The following B4GALNT3 variants were observed in gnomAD, a reference collection of about 807,000 sequenced individuals.
B4GALNT3 encodes beta-1,4-N-acetylgalactosaminyltransferase 3.
In B4GALNT3, 86 loss-of-function variants were observed where a neutral mutation model predicts 120.2. The observed-to-expected ratio is 0.72, with a 90% CI of 0.60 to 0.86. The LOEUF (loss-of-function observed/expected upper bound fraction) is 0.86, where lower values mean the gene tolerates loss of function less well. B4GALNT3 is among the 40% of genes least tolerant of loss of function. The pLI is 0.00. For missense variants in B4GALNT3, 1,167 were observed against 1,298.9 expected (o/e 0.90, Z 1.56); for synonymous variants, 518 against 510.4 (o/e 1.01, Z -0.20).
At chr12:515,754 T>C (rs1232964209) in intron 1 of B4GALNT3, among the ~76,000 whole-genome samples, 1 of 152,172 alleles carries the variant, frequency 6.6e-6, no homozygotes, top group Non-Finnish European at 1.5e-5. Context: ...CTGAAGTTCT[T>C]CCCCTACTGC....
chr12:495,642 G>A (rs1946381445), intron 1 of B4GALNT3, among the ~76,000 whole-genome samples: 1 of 152,164 alleles, frequency 6.6e-6, no homozygotes, highest in Non-Finnish European at 1.5e-5. Context: ...CCAGACTCTA[G>A]CATGAGCTTC....
chr12:480,245 A>G (rs1276442534), intron 1 of B4GALNT3, among the ~76,000 whole-genome samples: 1 of 152,214 alleles, frequency 6.6e-6, no homozygotes, highest in Admixed American at 6.5e-5. Context: ...GAACTGACCA[A>G]TTAAAAAGGA....
chr12:502,264 G>A (rs1946451086), intron 1 of B4GALNT3, among the ~76,000 whole-genome samples: 1 of 152,226 alleles, frequency 6.6e-6, no homozygotes, highest in African/African-American at 2.4e-5. Flanking sequence ...ACCACCTGTT[G>A]ACAGGGCTTC....
chr12:513,679 C>A (rs1218427343), intron 1 of B4GALNT3, among the ~76,000 whole-genome samples: 1 of 152,222 alleles, frequency 6.6e-6, no homozygotes, highest in East Asian at 1.9e-4. Flanking sequence ...TGCAGTCCAG[C>A]AGGTCTTAGC....
chr12:513,552 C>T (rs114403004), intron 1 of B4GALNT3, among the ~76,000 whole-genome samples: 4,289 of 152,250 alleles, frequency 0.028, 215 homozygotes, highest in African/African-American at 0.097. Flanking sequence ...GGGTTTTAGC[C>T]GGCTTCTTTC....
intron 1 of B4GALNT3, among the ~76,000 whole-genome samples, chr12:530,911 G>A (rs1462846708): frequency 6.6e-6 from 1 of 152,162 alleles, no homozygotes; most frequent in Non-Finnish European, 1.5e-5. Context: ...GGCCCACGGT[G>A]GTGCTTTATC....
At chr12:461,692 A>C (rs1946024530) in intron 1 of B4GALNT3, among the ~76,000 whole-genome samples, 1 of 152,184 alleles carries the variant, frequency 6.6e-6, no homozygotes, top group African/African-American at 2.4e-5. Context: ...TTCTCTACCC[A>C]GAGTTGGGTG....
At chr12:512,231 A>G (rs1245938583) in intron 1 of B4GALNT3, among the ~76,000 whole-genome samples, 9 of 46,220 alleles carry the variant, frequency 1.9e-4, no homozygotes, top group Non-Finnish European at 3.0e-4. Flanking sequence ...ACCTTCTTCC[A>G]CCTTCCACCT....
chr12:487,699 C>T (rs34600838), intron 1 of B4GALNT3, among the ~76,000 whole-genome samples: 5,084 of 142,862 alleles, frequency 0.036, 137 homozygotes, highest in Non-Finnish European at 0.056. Flanking sequence ...GGCAACAGAG[C>T]GAGACTCTAT....
chr12:501,046 G>A (rs565114915), intron 1 of B4GALNT3, among the ~76,000 whole-genome samples: 2 of 138,178 alleles, frequency 1.4e-5, no homozygotes, highest in East Asian at 4.3e-4. Context: ...GCTAATTTTT[G>A]TACTTTTTGG....
At position 480,961 on chromosome 12, in the gene B4GALNT3, C is replaced by T. The variant is rs564488601; in HGVS notation, c.169+20416C>T. ...CCTCTATCTCTCCCTGCCTGCTCGG[C>T]AGCCAACACAGAAACACTGCTGTGT... is the stretch of plus-strand genomic sequence containing the variant. On this transcript the variant is annotated intron_variant, in intron 1 of 19. Transcript: ENST00000266383. 1.8e-4 allele frequency among the ~76,000 whole-genome samples: 28 copies of T among 152,350 alleles called. No individual in the cohort carries two copies. In the South Asian group the frequency reaches 5.6e-3, roughly 30 times the overall value.
rs780162538 is a variant in B4GALNT3, at chr12:549,869, C to T, written c.954C>T (p.Pro318=). ...CTCTTCCCAGGGATGAGCAGCCGCCCGCTGACATGCTTCGGCCTGACCCCC... is the reference window on the plus strand; with the variant it reads ...CTCTTCCCAGGGATGAGCAGCCGCCTGCTGACATGCTTCGGCCTGACCCCC... ...SNALPRDEQP[P]ADMLRPDPRD... The change falls in exon 10 of 20, where the codon CCC becomes CCT. Residue 318 remains proline, a synonymous_variant. Transcript: ENST00000266383. The T allele has an allele frequency of 1.8e-5, 29 of 1,613,546 alleles. No homozygotes were observed. The highest frequency in any genetic ancestry group is 6.7e-5 in the Admixed American group (4 of 60,000).
intron 1 of B4GALNT3, among the ~76,000 whole-genome samples, chr12:482,478 T>C (rs1303500474): frequency 6.6e-6 from 1 of 152,170 alleles, no homozygotes; most frequent in Non-Finnish European, 1.5e-5. Flanking sequence ...AATCCCAGTT[T>C]TAAGTTCTGT....
chr12:495,620 G>T (rs966055871), intron 1 of B4GALNT3, among the ~76,000 whole-genome samples: 8 of 152,150 alleles, frequency 5.3e-5, no homozygotes, highest in Non-Finnish European at 8.8e-5. Context: ...CTTCTTAGGG[G>T]GTGAATGCGG....
At chr12:543,622 A>G (rs1592050492) in intron 3 of B4GALNT3, among the ~76,000 whole-genome samples, 1 of 84,760 alleles carries the variant, frequency 1.2e-5, no homozygotes, top group Non-Finnish European at 2.4e-5. Flanking sequence ...TGGGGCGGGC[A>G]TGGGGTGCTC....
chr12:535,739 G>A (rs1946852221), intron 2 of B4GALNT3, among the ~76,000 whole-genome samples: 1 of 152,118 alleles, frequency 6.6e-6, no homozygotes, highest in African/African-American at 2.4e-5. Flanking sequence ...TGAACCAATG[G>A]TCCCTAAGGA....
chr12:536,287 C>G lies in B4GALNT3; in HGVS notation c.343C>G (p.Leu115Val), dbSNP rs377035350. ...YLKWNKPVPW[L>V]SEFRGRANLH... ...GAAGTGGAACAAGCCTGTCCCCTGG[C>G]TCTCAGAGGTGAGGGACTTTCTATT... Residue 115 changes from leucine (L) to valine (V), a missense_variant, in exon 3 of 20, where the codon CTC becomes GTC. Coordinates refer to ENST00000266383, the MANE Select transcript of B4GALNT3 (RefSeq NM_173593.4). 2 of 1,613,020 alleles carry G rather than the reference C, an allele frequency of 1.2e-6. No homozygotes were observed. Among genetic ancestry groups the G allele is most frequent in the East Asian group, 4.5e-5 (2 of 44,882 alleles).
chr12:554,196 G>A (rs1947118475), intron 14 of B4GALNT3, among the ~76,000 whole-genome samples: 1 of 152,242 alleles, frequency 6.6e-6, no homozygotes, highest in African/African-American at 2.4e-5. Flanking sequence ...CCGCCATTAG[G>A]CAAGGTTCTG....
chr12:523,388 G>A (rs1436609594), intron 1 of B4GALNT3, among the ~76,000 whole-genome samples: 2 of 152,346 alleles, frequency 1.3e-5, no homozygotes, highest in Non-Finnish European at 1.5e-5. Context: ...AAGCGTGGAT[G>A]TGTTGAAACT....
Sources: gnomAD v4.1 joint callset for allele counts (sites outside exome capture counted in the v4.1 genomes callset) on GRCh38, gnomAD v4.1.1 for gene constraint, MANE v1.5 for transcripts, NCBI Gene and HGNC (gene_info 2026-07-23, HGNC 2026-07-21) for gene names.